Variants in CPVL observed in about 807,000 individuals in gnomAD.
The protein encoded by CPVL is carboxypeptidase vitellogenic like.
Under a neutral mutation model 63.7 loss-of-function variants are expected in CPVL, and 51 were observed. The ratio of observed to expected loss-of-function variants is 0.80; its 90% confidence interval spans 0.64 to 1.01. CPVL has a LOEUF of 1.01. CPVL is among the 50% of genes least tolerant of loss of function. The pLI, the probability that CPVL is intolerant of heterozygous loss-of-function variation, is 0.00. For synonymous variants in CPVL, 195 were observed against 206.0 expected (o/e 0.95, Z 0.46); for missense variants, 530 against 573.1 (o/e 0.92, Z 0.77).
intron 12 of CPVL, among the ~76,000 whole-genome samples, chr7:29,022,425 T>G (rs751817891): frequency 4.6e-5 from 7 of 152,158 alleles, no homozygotes; most frequent in Non-Finnish European, 8.8e-5. Context: ...GGCATCCTAG[T>G]GTGCCATTTG....
intron 12 of CPVL, among the ~76,000 whole-genome samples, chr7:29,022,478 C>T (rs530910823): frequency 2.4e-4 from 37 of 152,318 alleles, no homozygotes; most frequent in Non-Finnish European, 4.1e-4. Context: ...CCACACGCAT[C>T]ACCCACATAT....
At chr7:29,130,064 T>G (rs754989872) in intron 1 of CPVL, among the ~76,000 whole-genome samples, 4 of 152,182 alleles carry the variant, frequency 2.6e-5, no homozygotes, top group Non-Finnish European at 5.9e-5. Context: ...CATTCAGAAC[T>G]GTGAGACAAT....
intron 5 of CPVL, among the ~76,000 whole-genome samples, chr7:29,154,996 G>T (rs1057242196): frequency 6.6e-6 from 1 of 152,178 alleles, no homozygotes; most frequent in Non-Finnish European, 1.5e-5. Context: ...ATGGTGGCAG[G>T]CAAAGAGAAG....
At chr7:29,128,446 T>C (rs996790739) in intron 1 of CPVL, among the ~76,000 whole-genome samples, 4 of 152,182 alleles carry the variant, frequency 2.6e-5, no homozygotes, top group Non-Finnish European at 4.4e-5. Flanking sequence ...CCCGGCATGA[T>C]GGCTTATGCC....
At chr7:29,104,941 G>A (rs1482055921) in intron 3 of CPVL, among the ~76,000 whole-genome samples, 27 of 152,102 alleles carry the variant, frequency 1.8e-4, no homozygotes, top group Admixed American at 1.8e-3. Flanking sequence ...TATGGGTGGT[G>A]ATCTATAACA....
Position 29,030,829 on chromosome 7 carries a change from A to C in CPVL, c.1138-70T>G. On this transcript the variant is annotated intron_variant, in intron 11 of 12. Coordinates refer to ENST00000265394, the MANE Select transcript of CPVL (RefSeq NM_031311.5). Reference sequence around the variant, plus strand: ...GAAGCTCATGAATCGAGCTAGGTATAAATAGTGAGCCAGTGAGAGAGAAAA... The same window carrying C: ...GAAGCTCATGAATCGAGCTAGGTATCAATAGTGAGCCAGTGAGAGAGAAAA... The C allele has an allele frequency of 2.3e-6, 3 of 1,308,734 alleles. No homozygotes were observed. In the South Asian group the frequency reaches 4.4e-5, roughly 19 times the overall value. The allele number at this position is 1,308,734 out of a possible 1,614,324, so 81.1% of individuals were successfully genotyped here. A position where few individuals can be genotyped will look rare whatever the true frequency, so the allele number is the denominator to read the frequency against.
At chr7:28,997,310 G>A (rs963072402) in intron 12 of CPVL, among the ~76,000 whole-genome samples, 5 of 152,142 alleles carry the variant, frequency 3.3e-5, no homozygotes, top group Non-Finnish European at 7.3e-5. Flanking sequence ...GCAGAATCAC[G>A]ATCAGCAATT....
chr7:28,999,391 A>G (rs1784390867), intron 12 of CPVL, among the ~76,000 whole-genome samples: 1 of 152,214 alleles, frequency 6.6e-6, no homozygotes, highest in Non-Finnish European at 1.5e-5. Context: ...CTGTTGTTCC[A>G]ACTGCTTGTT....
intron 5 of CPVL, among the ~76,000 whole-genome samples, chr7:29,170,815 G>A (rs1231900947): frequency 6.6e-6 from 1 of 152,192 alleles, no homozygotes; most frequent in Non-Finnish European, 1.5e-5. Context: ...GGAAGGCGAG[G>A]AGGAGCAAGT....
intron 3 of CPVL, among the ~76,000 whole-genome samples, chr7:29,104,860 T>C (rs936048579): frequency 5.3e-5 from 8 of 152,320 alleles, no homozygotes; most frequent in Admixed American, 2.0e-4. Context: ...TTTCTCTCTA[T>C]GTTATTTCAT....
intron 12 of CPVL, chr7:29,013,273 T>A (rs1786037571): frequency 6.6e-6 from 1 of 152,228 alleles, no homozygotes; most frequent in African/African-American, 2.4e-5. Flanking sequence ...CAGCTGCACA[T>A]GTGACCTCAG....
At chr7:29,061,992 G>A (rs1214756757) in intron 11 of CPVL, among the ~76,000 whole-genome samples, 1 of 150,312 alleles carries the variant, frequency 6.7e-6, no homozygotes, top group East Asian at 1.9e-4. Flanking sequence ...ATCTCCCAAG[G>A]GCACAAATAA....
chr7:29,094,594 C>T (rs1786203365), intron 5 of CPVL, among the ~76,000 whole-genome samples: 1 of 152,050 alleles, frequency 6.6e-6, no homozygotes. Context: ...CACCTGTAAT[C>T]CTATCATTTT....
chr7:29,030,512 C>T, intron 12 of CPVL, 65 bp downstream of exon 12: 2 of 1,497,570 alleles, frequency 1.3e-6, no homozygotes, highest in South Asian at 2.6e-5. Flanking sequence ...CATTGCTATT[C>T]AGGCTTTATT....
At chr7:28,998,357 C>A (rs983819771) in intron 12 of CPVL, among the ~76,000 whole-genome samples, 1 of 152,238 alleles carries the variant, frequency 6.6e-6, no homozygotes, top group Non-Finnish European at 1.5e-5. Context: ...ACCAGTGCTG[C>A]AGCTAACAAA....
chr7:29,195,066 A>T (rs1783498105), intron 1 of CPVL: 3 of 1,462,374 alleles, frequency 2.1e-6, no homozygotes, highest in Non-Finnish European at 2.8e-6. Flanking sequence ...CCTGGGATGG[A>T]CAGAGCCTAC....
chr7:29,181,953 T>A (rs1269975894), intron 4 of CPVL, among the ~76,000 whole-genome samples: 1 of 152,242 alleles, frequency 6.6e-6, no homozygotes, highest in Non-Finnish European at 1.5e-5. Flanking sequence ...GCCTCTAACA[T>A]ATCTACAGTA....
chr7:29,138,176 G>A (rs1047731757), intron 1 of CPVL, among the ~76,000 whole-genome samples: 10 of 152,168 alleles, frequency 6.6e-5, no homozygotes, highest in African/African-American at 1.7e-4. Flanking sequence ...AGTGGCTCAC[G>A]CCTGTAATCC....
chr7:29,194,965 C>G, intron 1 of CPVL: 1 of 1,585,554 alleles, frequency 6.3e-7, no homozygotes. Flanking sequence ...GCAACTCCAG[C>G]CTGTCCGGCT....
Sources: allele counts gnomAD v4.1 joint callset (sites outside exome capture counted in the v4.1 genomes callset), GRCh38; gene constraint gnomAD v4.1.1; transcripts MANE v1.5; gene names NCBI Gene and HGNC (gene_info 2026-07-23, HGNC 2026-07-21).